STXBP5L: variants seen among roughly 807,000 people sequenced by gnomAD.
The protein encoded by STXBP5L is syntaxin binding protein 5L.
A neutral mutation model predicts 144.5 loss-of-function variants in STXBP5L; 65 were observed. The observed-to-expected ratio is 0.45, with a 90% CI of 0.37 to 0.55. The LOEUF (loss-of-function observed/expected upper bound fraction) is 0.55, where lower values mean the gene tolerates loss of function less well. STXBP5L is among the 20% of genes least tolerant of loss of function. The pLI is 0.00. For missense variants in STXBP5L, 1,298 were observed against 1,405.5 expected (o/e 0.92, Z 1.22); for synonymous variants, 505 against 469.6 (o/e 1.08, Z -0.97).
intron 22 of STXBP5L, among the ~76,000 whole-genome samples, chr3:121,383,645 C>A (rs1182583905): frequency 6.6e-6 from 1 of 151,954 alleles, no homozygotes; most frequent in Non-Finnish European, 1.5e-5. Context: ...GAAAGAAAGT[C>A]TACTTGGGAG....
chr3:121,068,303 G>A (rs1560086015), intron 5 of STXBP5L, among the ~76,000 whole-genome samples: 1 of 152,222 alleles, frequency 6.6e-6, no homozygotes, highest in South Asian at 2.1e-4. Flanking sequence ...AATGCACCTG[G>A]TGACAATATT....
At chr3:121,313,705 C>T (rs2043655978) in intron 19 of STXBP5L, among the ~76,000 whole-genome samples, 1 of 92,128 alleles carries the variant, frequency 1.1e-5, no homozygotes, top group Non-Finnish European at 2.3e-5. Context: ...CCCTCACCTC[C>T]CGGACGGGGC....
chr3:121,045,027 G>T (rs77249944), intron 4 of STXBP5L, among the ~76,000 whole-genome samples: 193 of 152,090 alleles, frequency 1.3e-3, no homozygotes, highest in African/African-American at 4.2e-3. Flanking sequence ...ATTTTTATAT[G>T]ACCTGTATTC....
rs750005089 is a variant in STXBP5L, at chr3:120,989,827, AT to A, written c.287+34791del. On this transcript the variant is annotated intron_variant, in intron 3 of 26. Coordinates refer to ENST00000471454, the MANE Select transcript of STXBP5L (RefSeq NM_001308330.2). ...CTCTCTAAAATCTACTCTACCTAAT[AT>A]CCATATACCCACAGCCAATATCATA... Among the ~76,000 whole-genome samples the A allele has an allele frequency of 3.3e-5, 5 of 152,080 alleles. No homozygotes were observed. In the South Asian group the frequency reaches 8.3e-4, roughly 25 times the overall value.
At chr3:121,172,482 T>A (rs961819538) in intron 9 of STXBP5L, among the ~76,000 whole-genome samples, 6 of 152,040 alleles carry the variant, frequency 3.9e-5, no homozygotes, top group African/African-American at 1.4e-4. Flanking sequence ...CTTAACAAGT[T>A]TACAAGTAAA....
At chr3:121,098,636 G>A (rs1482282152) in intron 5 of STXBP5L, among the ~76,000 whole-genome samples, 1 of 152,184 alleles carries the variant, frequency 6.6e-6, no homozygotes. Context: ...GAGAAATGAA[G>A]TGGCTCAGCT....
At chr3:120,963,523 A>G (rs567707564) in intron 3 of STXBP5L, among the ~76,000 whole-genome samples, 4 of 152,300 alleles carry the variant, frequency 2.6e-5, no homozygotes, top group African/African-American at 7.2e-5. Context: ...GCATCTATTG[A>G]GATAATCATG....
chr3:121,352,986 A>G (rs769956787), intron 20 of STXBP5L, among the ~76,000 whole-genome samples: 3 of 152,088 alleles, frequency 2.0e-5, no homozygotes, highest in Admixed American at 6.6e-5. Context: ...GATTATGTTT[A>G]TTTATTTGCG....
At chr3:121,163,441 AG>A (rs910826154) in intron 9 of STXBP5L, among the ~76,000 whole-genome samples, 2 of 151,984 alleles carry the variant, frequency 1.3e-5, no homozygotes, top group African/African-American at 4.8e-5. Flanking sequence ...GGGCAAGGAG[AG>A]GGAAAGCATT....
At chr3:120,923,464 G>C (rs546833427) in intron 2 of STXBP5L, among the ~76,000 whole-genome samples, 1 of 151,640 alleles carries the variant, frequency 6.6e-6, no homozygotes, top group Non-Finnish European at 1.5e-5. Flanking sequence ...TTTGATCTAG[G>C]TGTTTAATGC....
chr3:121,034,676 A>G lies in STXBP5L; in HGVS notation c.288-7024A>G, dbSNP rs140347359. On this transcript the variant is annotated intron_variant, in intron 3 of 26. Transcript: ENST00000471454. ...ATCTGCTATTGCGAATAGTGCTGCA[A>G]TAAACTTATAAGTGGAATTATCTTT... is the stretch of plus-strand genomic sequence containing the variant. Among the ~76,000 whole-genome samples, 403 of 152,276 alleles carry G rather than the reference A, an allele frequency of 2.6e-3. 5 individuals carry two copies. Among genetic ancestry groups the G allele is most frequent in the South Asian group, 0.02 (98 of 4,830 alleles).
intron 5 of STXBP5L, among the ~76,000 whole-genome samples, chr3:121,053,569 C>A (rs1948202438): frequency 6.6e-6 from 1 of 151,598 alleles, no homozygotes; most frequent in African/African-American, 2.4e-5. Flanking sequence ...ATCCCTTACA[C>A]CTTATACAAA....
chr3:121,249,595 A>G (rs907694446), intron 14 of STXBP5L, among the ~76,000 whole-genome samples: 3 of 152,092 alleles, frequency 2.0e-5, no homozygotes, highest in South Asian at 2.1e-4. Context: ...TTTTTATAGA[A>G]TCTCTGAGAT....
At chr3:121,211,574 C>G (rs372010379) in intron 10 of STXBP5L, among the ~76,000 whole-genome samples, 1 of 86,332 alleles carries the variant, frequency 1.2e-5, no homozygotes. Context: ...GACTTTTTTT[C>G]TTTCTTTTTT....
At chr3:121,030,517 C>T (rs991977382) in intron 3 of STXBP5L, among the ~76,000 whole-genome samples, 16 of 152,082 alleles carry the variant, frequency 1.1e-4, no homozygotes, top group Admixed American at 2.6e-4. Flanking sequence ...CATCACACAC[C>T]GGGGCATGTT....
rs1175150527 is a variant in STXBP5L at position 121,345,218 on chromosome 3, T to C, written c.2176+26678T>C. Among the ~76,000 whole-genome samples the C allele has an allele frequency of 3.9e-5, 6 of 152,046 alleles. No homozygotes were observed. The East Asian group carries it at 1.2e-3, about 29-fold the overall frequency. On this transcript the variant is annotated intron_variant, in intron 20 of 26. Coordinates refer to ENST00000471454, the MANE Select transcript of STXBP5L (RefSeq NM_001308330.2). ...TGTTCCTCACCCTGTATCCAAGTGA[T>C]CTCATTGTTCAGTTCCCACCTATGA... is the stretch of plus-strand genomic sequence containing the variant.
chr3:120,988,960 C>T (rs375111249), intron 3 of STXBP5L, among the ~76,000 whole-genome samples: 2 of 151,972 alleles, frequency 1.3e-5, no homozygotes, highest in South Asian at 4.2e-4. Context: ...TAATGGACTC[C>T]AGTTCCATCC....
intron 10 of STXBP5L, among the ~76,000 whole-genome samples, chr3:121,209,880 C>T (rs1284302236): frequency 6.6e-6 from 1 of 152,148 alleles, no homozygotes; most frequent in East Asian, 1.9e-4. Context: ...GTGAATAGTG[C>T]TGCAATAAAC....
intron 5 of STXBP5L, among the ~76,000 whole-genome samples, chr3:121,091,675 G>A (rs1246501159): frequency 1.3e-5 from 2 of 152,004 alleles, no homozygotes; most frequent in Non-Finnish European, 2.9e-5. Context: ...CTGGATATTA[G>A]CCCTTTGTCA....
Sources: gnomAD v4.1 joint callset for allele counts (sites outside exome capture counted in the v4.1 genomes callset) on GRCh38, gnomAD v4.1.1 for gene constraint, MANE v1.5 for transcripts, NCBI Gene and HGNC (gene_info 2026-07-23, HGNC 2026-07-21) for gene names.